The following VAMP7 variants were observed in gnomAD, a reference collection of about 807,000 sequenced individuals.
VAMP7 encodes vesicle associated membrane protein 7.
In VAMP7, 14 loss-of-function variants were observed where a neutral mutation model predicts 29.6. That is an observed-to-expected ratio of 0.47 (90% CI 0.31 to 0.74). The LOEUF (loss-of-function observed/expected upper bound fraction) is 0.74, where lower values mean the gene tolerates loss of function less well. Ranked by LOEUF, VAMP7 falls within the 30% of genes least tolerant of loss-of-function variation. VAMP7 has a pLI of 0.05. For missense variants in VAMP7, 223 were observed against 262.4 expected (o/e 0.85, Z 1.04); for synonymous variants, 95 against 88.1 (o/e 1.08, Z -0.44).
intron 2 of VAMP7, among the ~76,000 whole-genome samples, chrX:155,891,828 C>T (rs2065928398): frequency 1.3e-5 from 2 of 152,144 alleles, no homozygotes; most frequent in Admixed American, 1.3e-4. Context: ...TTTTGTAGTC[C>T]TCTTGCTGCC....
chrX:155,897,951 C>T (rs2066008212), intron 3 of VAMP7, among the ~76,000 whole-genome samples, 161 bp from the exon 4 acceptor site: 1 of 152,126 alleles, frequency 6.6e-6, no homozygotes. Context: ...GTTACTTTTT[C>T]AGAGCCTTCC....
intron 5 of VAMP7, among the ~76,000 whole-genome samples, chrX:155,919,466 A>AT (rs1159206191): frequency 1.3e-5 from 2 of 152,134 alleles, no homozygotes; most frequent in African/African-American, 4.8e-5. Flanking sequence ...TCTTGAGGAT[A>AT]TATCTATGGT....
chrX:155,881,789 G>A (rs1370814917), intron 1 of VAMP7, among the ~76,000 whole-genome samples: 1 of 152,072 alleles, frequency 6.6e-6, no homozygotes, highest in Non-Finnish European at 1.5e-5. Flanking sequence ...AACTCTCTAC[G>A]TCCTTGTTCG....
intron 6 of VAMP7, among the ~76,000 whole-genome samples, chrX:155,935,461 C>T (rs930749519): frequency 6.6e-6 from 1 of 152,134 alleles, no homozygotes; most frequent in Admixed American, 6.5e-5. Flanking sequence ...GGTCTTCAAT[C>T]ACGGATACCC....
chrX:155,932,907 C>A (rs952709047), intron 6 of VAMP7, among the ~76,000 whole-genome samples: 1 of 152,096 alleles, frequency 6.6e-6, no homozygotes, highest in Non-Finnish European at 1.5e-5. Context: ...GAGTTTTTAG[C>A]ATGAAGGGCT....
At chrX:155,934,913 C>T (rs2066624257) in intron 6 of VAMP7, among the ~76,000 whole-genome samples, 1 of 152,110 alleles carries the variant, frequency 6.6e-6, no homozygotes, top group Non-Finnish European at 1.5e-5. Flanking sequence ...CAAAATCTCT[C>T]AGCATTTGCT....
chrX:155,919,529 G>A (rs1166345963), intron 5 of VAMP7, among the ~76,000 whole-genome samples: 1 of 152,140 alleles, frequency 6.6e-6, no homozygotes, highest in East Asian at 1.9e-4. Flanking sequence ...CAGTAGTGTA[G>A]TCTGTATAAT....
At chrX:155,941,807 T>C in intron 7 of VAMP7, 76 bp from the exon 8 acceptor site, 3 of 1,461,474 alleles carry the variant, frequency 2.1e-6, no homozygotes, top group South Asian at 1.4e-5. Context: ...TTAATAAGGC[T>C]CTACTTTCCT....
chrX:155,901,308 T>C (rs954600454), intron 5 of VAMP7, among the ~76,000 whole-genome samples: 14 of 152,090 alleles, frequency 9.2e-5, no homozygotes, highest in African/African-American at 3.1e-4. Context: ...TAATTATATA[T>C]CTAGATAGAG....
At chrX:155,924,520 A>G (rs776382960) in intron 6 of VAMP7, among the ~76,000 whole-genome samples, 4 of 152,250 alleles carry the variant, frequency 2.6e-5, no homozygotes, top group East Asian at 3.9e-4. Flanking sequence ...TGTTCTAGAT[A>G]TGTCATATAA....
At chrX:155,927,555 G>T (rs1465831390) in intron 6 of VAMP7, among the ~76,000 whole-genome samples, 1 of 148,212 alleles carries the variant, frequency 6.7e-6, no homozygotes, top group Non-Finnish European at 1.5e-5. Flanking sequence ...GGATATGCCT[G>T]TAATTCTTTC....
chrX:155,935,109 C>A (rs1339867367), intron 6 of VAMP7, among the ~76,000 whole-genome samples: 2 of 152,040 alleles, frequency 1.3e-5, no homozygotes, highest in African/African-American at 4.8e-5. Flanking sequence ...GGTAACCCGA[C>A]CTTTCTCTCT....
chrX:155,905,818 G>T (rs1338760255), intron 5 of VAMP7, among the ~76,000 whole-genome samples: 2 of 152,214 alleles, frequency 1.3e-5, no homozygotes, highest in East Asian at 3.9e-4. Context: ...TTTAAAATCA[G>T]GAAATATTCA....
chrX:155,916,481 C>T (rs1308362054), intron 5 of VAMP7, among the ~76,000 whole-genome samples: 2 of 152,128 alleles, frequency 1.3e-5, no homozygotes, highest in Non-Finnish European at 2.9e-5. Context: ...TATGTTTTTG[C>T]AGTGGCTGGT....
intron 6 of VAMP7, among the ~76,000 whole-genome samples, chrX:155,934,309 C>G (rs775323185): frequency 1.3e-5 from 2 of 152,122 alleles, no homozygotes. Flanking sequence ...GTGTTAAAGT[C>G]TCCCTTTATT....
chrX:155,881,837 GT>G (rs1310780873), intron 1 of VAMP7, among the ~76,000 whole-genome samples: 12 of 152,118 alleles, frequency 7.9e-5, no homozygotes, highest in African/African-American at 2.7e-4. Flanking sequence ...ACTTCTGGCT[GT>G]TTATGCTCCT....
At chrX:155,939,651 C>G (rs1345729582) in intron 6 of VAMP7, 50 bp from the exon 7 acceptor site, 2 of 1,310,808 alleles carry the variant, frequency 1.5e-6, no homozygotes, top group Admixed American at 3.4e-5. Context: ...TACTGCAAAT[C>G]ATTCATGTAG....
intron 3 of VAMP7, among the ~76,000 whole-genome samples, chrX:155,896,217 T>C (rs1341041605): frequency 3.3e-5 from 5 of 152,172 alleles, no homozygotes; most frequent in Non-Finnish European, 7.3e-5. Context: ...ATCAACTCAA[T>C]TTTGGTAGAG....
chrX:155,931,787 C>A (rs944866979), intron 6 of VAMP7, among the ~76,000 whole-genome samples: 1 of 152,144 alleles, frequency 6.6e-6, no homozygotes, highest in South Asian at 2.1e-4. Flanking sequence ...ATGCCCATGC[C>A]TATGTCCTCA....
Sources: gnomAD v4.1 joint callset for allele counts (sites outside exome capture counted in the v4.1 genomes callset) on GRCh38, gnomAD v4.1.1 for gene constraint, MANE v1.5 for transcripts, NCBI Gene and HGNC (gene_info 2026-07-23, HGNC 2026-07-21) for gene names.